Variants in DNAJC7 observed in about 807,000 individuals in gnomAD.
DNAJC7 encodes dnaJ homolog subfamily C member 7.
Under a neutral mutation model 67.4 loss-of-function variants are expected in DNAJC7, and 18 were observed. That is an observed-to-expected ratio of 0.27 (90% CI 0.18 to 0.40). The LOEUF is 0.40. Among genes scored for constraint, DNAJC7 ranks in the 10% least tolerant of loss-of-function variants. The probability of loss-of-function intolerance (pLI) is 1.00; values close to 1 mark genes in which losing one functional copy is unlikely to be tolerated. For synonymous variants in DNAJC7, 220 were observed against 207.8 expected (o/e 1.06, Z -0.50); for missense variants, 419 against 613.8 (o/e 0.68, Z 3.35).
intron 5 of DNAJC7, 147 bp from the exon 6 acceptor site, chr17:41,990,529 A>G (rs144747060): frequency 4.4e-5 from 29 of 660,484 alleles, no homozygotes; most frequent in Middle Eastern, 5.0e-4. Flanking sequence ...AAACATACCT[A>G]ATTCATTAAA....
At chr17:42,017,285 T>C (rs542737384) in intron 1 of DNAJC7, 55 bp downstream of exon 1, 73 of 1,607,922 alleles carry the variant, frequency 4.5e-5, no homozygotes, top group South Asian at 1.2e-4. Context: ...GGAACGAGTT[T>C]CCCTGAGCCA....
intron 10 of DNAJC7, among the ~76,000 whole-genome samples, chr17:41,983,111 A>G (rs1387235686): frequency 2.0e-5 from 3 of 151,770 alleles, no homozygotes; most frequent in Non-Finnish European, 4.4e-5. Flanking sequence ...ATATCTGTTC[A>G]CTTTTTTTTT....
rs1555647391 is a variant in DNAJC7 at position 41,989,544 on chromosome 17, T to C, written c.613A>G (p.Met205Val). ...AQSVASDILR[M>V]DSTNADALYV... Reference sequence around the variant, plus strand: ...AGAGCATCTGCATTGGTGGAATCCATTCGTAGAATGTCACTGCAATAGTCA... The same window carrying C: ...AGAGCATCTGCATTGGTGGAATCCACTCGTAGAATGTCACTGCAATAGTCA... Residue 205 changes from methionine to valine, a missense_variant, in exon 7 of 14, where the codon ATG becomes GTG. Transcript: ENST00000457167. The C allele has an allele frequency of 3.7e-6, 6 of 1,613,842 alleles. No individual in the cohort carries two copies. In the South Asian group the frequency reaches 5.5e-5, roughly 15 times the overall value.
intron 1 of DNAJC7, chr17:42,016,946 C>G: frequency 8.6e-7 from 1 of 1,168,660 alleles, no homozygotes; most frequent in South Asian, 1.8e-5. Context: ...ACGGAAAGTG[C>G]AGACAGGCAA....
chr17:41,990,487 T>C, intron 5 of DNAJC7, 105 bp from the exon 6 acceptor site: 1 of 896,072 alleles, frequency 1.1e-6, no homozygotes, highest in Non-Finnish European at 1.8e-6. Flanking sequence ...ATGAGGTCTT[T>C]GGGTCCACTT....
intron 13 of DNAJC7, chr17:41,976,977 T>A (rs994644315): frequency 3.0e-6 from 2 of 657,590 alleles, no homozygotes; most frequent in Admixed American, 5.9e-5. Flanking sequence ...CTCAGCATTA[T>A]CTATATAGTA....
intron 1 of DNAJC7, among the ~76,000 whole-genome samples, chr17:42,010,315 C>T (rs1251532135): frequency 1.0e-5 from 1 of 98,658 alleles, no homozygotes; most frequent in Non-Finnish European, 2.2e-5. Flanking sequence ...GAAACCCTGT[C>T]TCTACAAAAA....
chr17:41,980,328 G>A (rs1488154670), intron 12 of DNAJC7, among the ~76,000 whole-genome samples: 3 of 152,164 alleles, frequency 2.0e-5, no homozygotes, highest in Non-Finnish European at 2.9e-5. Flanking sequence ...GATTACAGGC[G>A]TGAGCCACCA....
At chr17:42,003,086 G>T (rs2051852248) in intron 1 of DNAJC7, among the ~76,000 whole-genome samples, 1 of 152,196 alleles carries the variant, frequency 6.6e-6, no homozygotes. Context: ...AGAACAAGAA[G>T]AATTGTGTTG....
At chr17:41,985,419 TAAAAAAAAAA>T (rs10708222) in intron 9 of DNAJC7, 1 of 137,406 alleles carries the variant, frequency 7.3e-6, no homozygotes, top group Admixed American at 7.3e-5. Flanking sequence ...GATCCTGAAT[TAAAAAAAAAA>T]AAAAAAGGAA....
intron 1 of DNAJC7, among the ~76,000 whole-genome samples, chr17:42,012,732 A>C (rs2052152763): frequency 6.6e-6 from 1 of 152,188 alleles, no homozygotes; most frequent in Admixed American, 6.5e-5. Context: ...AGCAAAGAGA[A>C]ATAATCTTCA....
At chr17:41,998,398 G>A (rs1215262668) in intron 2 of DNAJC7, among the ~76,000 whole-genome samples, 2 of 152,182 alleles carry the variant, frequency 1.3e-5, no homozygotes, top group African/African-American at 2.4e-5. Flanking sequence ...CTTGAAACTA[G>A]GAGGTGAAGG....
chr17:41,994,047 A>G (rs1192876303), intron 5 of DNAJC7, among the ~76,000 whole-genome samples: 1 of 136,804 alleles, frequency 7.3e-6, no homozygotes, highest in African/African-American at 2.8e-5. Context: ...CTCTCTCAAA[A>G]AAAAAAAAGG....
In DNAJC7 at chr17:41,976,449, A is replaced by T. The variant is rs2143063414; in HGVS notation, c.*284T>A. 5.2e-6 allele frequency: 2 copies of T among 384,388 alleles called. No individual in the cohort carries two copies. The highest frequency in any genetic ancestry group is 6.0e-5 in the East Asian group (1 of 16,710). 23.8% of individuals were successfully genotyped at this position (384,388 alleles called of 1,614,324 possible). A position where few individuals can be genotyped will look rare whatever the true frequency, so the allele number is the denominator to read the frequency against. On this transcript the variant is annotated 3_prime_UTR_variant, in exon 14 of 14. Coordinates refer to ENST00000457167, the MANE Select transcript of DNAJC7 (RefSeq NM_003315.4). The stretch of plus-strand genomic sequence containing the variant: ...GAGCAAAGGGCCAGGAAGGGTCAAA[A>T]CATTTTATTCTCTTTTTTTTTTCTT...
At chr17:41,990,220 A>G in intron 6 of DNAJC7, 44 bp downstream of exon 6, 1 of 1,519,410 alleles carries the variant, frequency 6.6e-7, no homozygotes, top group Non-Finnish European at 9.0e-7. Flanking sequence ...CCATCAGTCC[A>G]ATGGTATCTG....
intron 1 of DNAJC7, chr17:42,017,067 C>T (rs2052319299): frequency 4.3e-6 from 6 of 1,379,648 alleles, no homozygotes; most frequent in African/African-American, 1.5e-5. Context: ...AAATTGCCCT[C>T]GGAGACTCGG....
chr17:41,976,595 A>C lies in DNAJC7; in HGVS notation c.*138T>G. 1 of 1,123,262 alleles carries C rather than the reference A, an allele frequency of 8.9e-7. No individual in the cohort carries two copies. Among genetic ancestry groups the C allele is most frequent in the Non-Finnish European group, 1.3e-6 (1 of 796,732 alleles). The allele number at this position is 1,123,262 out of a possible 1,614,324, so 69.6% of individuals were successfully genotyped here. On this transcript the variant is annotated 3_prime_UTR_variant, in exon 14 of 14. Coordinates refer to ENST00000457167, the MANE Select transcript of DNAJC7 (RefSeq NM_003315.4). Reference sequence around the variant, plus strand: ...CCTTTGCTCCACCCCACTCACAGAGACACAGGGCATCCAACTGAGAAAACG... The same window carrying C: ...CCTTTGCTCCACCCCACTCACAGAGCCACAGGGCATCCAACTGAGAAAACG...
In DNAJC7 at chr17:41,999,238, C is replaced by A. The variant is rs190987170; in HGVS notation, c.166+1244G>T. On this transcript the variant is annotated intron_variant, in intron 2 of 13. Transcript: ENST00000457167. ...GCTGGGATTACAAGCGCCCACCACA[C>A]CTGGCTAATTTTTGTATCTTTAGAG... 2.1e-3 allele frequency among the ~76,000 whole-genome samples: 322 copies of A among 150,550 alleles called. 3 individuals are homozygous for A. Among genetic ancestry groups the A allele is most frequent in the African/African-American group, 7.5e-3 (306 of 40,942 alleles).
At chr17:41,993,267 G>A (rs571535999) in intron 5 of DNAJC7, among the ~76,000 whole-genome samples, 2 of 152,066 alleles carry the variant, frequency 1.3e-5, no homozygotes, top group South Asian at 4.2e-4. Flanking sequence ...AGACCATCCT[G>A]GCTAACACGG....
Sources: allele counts gnomAD v4.1 joint callset (sites outside exome capture counted in the v4.1 genomes callset), GRCh38; gene constraint gnomAD v4.1.1; transcripts MANE v1.5; gene names NCBI Gene and HGNC (gene_info 2026-07-23, HGNC 2026-07-21).